The following AP2A1 variants were observed in gnomAD, a reference collection of about 807,000 sequenced individuals.
The protein encoded by AP2A1 is adaptor related protein complex 2 subunit alpha 1, also known as AP-2 complex subunit alpha-1.
AP2A1 carries 21 observed loss-of-function variants against 107.3 expected under a neutral mutation model. That is an observed-to-expected ratio of 0.20 (90% confidence interval 0.14 to 0.28). The LOEUF (loss-of-function observed/expected upper bound fraction) is 0.28, where lower values mean the gene tolerates loss of function less well. Ranked by LOEUF, AP2A1 falls within the 10% of genes least tolerant of loss-of-function variation. AP2A1 has a pLI of 1.00. For synonymous variants in AP2A1, 602 were observed against 564.8 expected, an observed-to-expected ratio of 1.07 and a Z score of -0.93; for missense variants, 873 against 1,307.7, an observed-to-expected ratio of 0.67 and a Z score of 5.13.
rs762341856 is a variant in AP2A1, at chr19:49,805,912, C to G, written c.2626C>G (p.Pro876Ala). The G allele has an allele frequency of 1.9e-6, 3 of 1,613,864 alleles. No homozygotes were observed. In the South Asian group the frequency reaches 3.3e-5, roughly 18 times the overall value. ...EAQKIFKANH[P>A]MDAEVTKAKL... is the part of the protein sequence containing the mutation. ...GCAGAAAATCTTCAAAGCCAACCACCCCATGGACGCAGAAGTTACTAAGGC... is the reference window on the plus strand; with the variant it reads ...GCAGAAAATCTTCAAAGCCAACCACGCCATGGACGCAGAAGTTACTAAGGC... Residue 876 changes from proline to alanine, a missense_variant, in exon 21 of 23, where the codon CCC becomes GCC. This residue lies in a region of AP2A1 where 416 missense variants were observed against 473.4 expected (regional missense o/e 0.88). Transcript: ENST00000354293.
In AP2A1 at chr19:49,769,797, G is replaced by A. The variant is rs2084538806; in HGVS notation, c.67+2597G>A. On this transcript the variant is annotated intron_variant, in intron 1 of 22. Transcript: ENST00000354293. ...GCCATGGAAGCAGGGAACCAAATTA[G>A]GAGGGTGTTGCAGGCCTCTGGGTGA... Among the ~76,000 whole-genome samples the A allele has an allele frequency of 2.0e-5, 3 of 152,314 alleles. No individual in the cohort carries two copies. The South Asian group carries it at 6.2e-4, about 32-fold the overall frequency.
At chr19:49,805,012 T>G (rs2073343594) in intron 18 of AP2A1, 1 of 158,484 alleles carries the variant, frequency 6.3e-6, no homozygotes. Flanking sequence ...GCTCAAGGCA[T>G]CCTCCTGCCT....
intron 4 of AP2A1, among the ~76,000 whole-genome samples, chr19:49,787,660 T>C (rs2073090741): frequency 2.0e-5 from 3 of 152,120 alleles, no homozygotes; most frequent in Admixed American, 6.5e-5. Flanking sequence ...TTTTAACCAT[T>C]TGAAGGTGTT....
intron 1 of AP2A1, among the ~76,000 whole-genome samples, chr19:49,776,452 C>T (rs1019876875): frequency 6.6e-6 from 1 of 152,194 alleles, no homozygotes; most frequent in Non-Finnish European, 1.5e-5. Context: ...GTGTATACCT[C>T]TTTCAGAATA....
chr19:49,803,198 C>CG lies in AP2A1; in HGVS notation c.2254+14dup. ...GTTCCGACAGAACCTGGGTGTGTCC[C>CG]GGGGGACTGTGGGAATGGGTCGGAG... On this transcript the variant is annotated intron_variant, in intron 17 of 22. Transcript: ENST00000354293. 1 of 1,613,858 alleles carries CG rather than the reference C, an allele frequency of 6.2e-7. No individual in the cohort carries two copies.
chr19:49,801,168 G>C, intron 12 of AP2A1, 110 bp downstream of exon 12: 2 of 1,145,172 alleles, frequency 1.7e-6, no homozygotes, highest in South Asian at 3.1e-5. Flanking sequence ...CCATCCTCTC[G>C]GCCTCCACCC....
intron 1 of AP2A1, among the ~76,000 whole-genome samples, chr19:49,781,363 G>T (rs1295809521): frequency 6.6e-6 from 1 of 152,108 alleles, no homozygotes; most frequent in Non-Finnish European, 1.5e-5. Flanking sequence ...TCAGTGGTAG[G>T]GGTGAGCACC....
chr19:49,800,624 A>G (rs763863229), intron 11 of AP2A1: 1 of 277,656 alleles, frequency 3.6e-6, no homozygotes, highest in South Asian at 4.3e-5. Flanking sequence ...ACGCGCCACC[A>G]CACCCAGCTA....
At chr19:49,798,241 G>A (rs919936993) in intron 7 of AP2A1, among the ~76,000 whole-genome samples, 1 of 152,222 alleles carries the variant, frequency 6.6e-6, no homozygotes, top group Non-Finnish European at 1.5e-5. Context: ...CAGTGGTGGA[G>A]AGCTCTGGGG....
intron 4 of AP2A1, among the ~76,000 whole-genome samples, chr19:49,783,433 A>G (rs2084701227): frequency 6.6e-6 from 1 of 152,148 alleles, no homozygotes; most frequent in African/African-American, 2.4e-5. Context: ...CTAGGCTGCA[A>G]TGAGTTGTGG....
chr19:49,775,211 C>T (rs1304177097), intron 1 of AP2A1, among the ~76,000 whole-genome samples: 1 of 152,164 alleles, frequency 6.6e-6, no homozygotes, highest in African/African-American at 2.4e-5. Flanking sequence ...CTGGACAATA[C>T]AGCAAGACCC....
chr19:49,779,336 CAAAA>C (rs34194805), intron 1 of AP2A1, among the ~76,000 whole-genome samples: 2 of 79,480 alleles, frequency 2.5e-5, no homozygotes, highest in Non-Finnish European at 2.5e-5. Context: ...GACTCCGTCT[CAAAA>C]AAAAAAAAAA....
intron 1 of AP2A1, among the ~76,000 whole-genome samples, chr19:49,777,158 C>G (rs575984068): frequency 5.3e-5 from 8 of 151,604 alleles, no homozygotes; most frequent in Admixed American, 2.0e-4. Flanking sequence ...TCGCTTGAAC[C>G]TGGGAGGTGG....
intron 4 of AP2A1, 27 bp downstream of exon 4, chr19:49,782,751 TGG>T (rs750868210): frequency 4.6e-6 from 7 of 1,515,388 alleles, no homozygotes; most frequent in Non-Finnish European, 5.3e-6. Flanking sequence ...CCGTTGGCAG[TGG>T]GGGGCCTGGG....
In AP2A1 at chr19:49,803,672, C is replaced by CCG. The variant is rs1454571569; in HGVS notation, c.2344+297_2344+298insGC. The CCG allele has an allele frequency of 6.8e-6, 3 of 443,416 alleles. No individual in the cohort carries two copies. In the East Asian group the frequency reaches 1.4e-4, roughly 21 times the overall value. The allele number at this position is 443,416 out of a possible 1,614,324, so 27.5% of individuals were successfully genotyped here. A position where few individuals can be genotyped will look rare whatever the true frequency, so the allele number is the denominator to read the frequency against. The stretch of plus-strand genomic sequence containing the variant: ...TCCTGCCATCGTCCTCCACTGGGCT[C>CCG]CATGTCATGATGCCAGCACCGCCTG... On this transcript the variant is annotated intron_variant, in intron 18 of 22. Transcript: ENST00000354293.
rs1366285318 is a variant in AP2A1, at chr19:49,788,135, C to T, written c.474-3800C>T. Among the ~76,000 whole-genome samples the T allele has an allele frequency of 6.6e-6, 1 of 152,124 alleles. No individual in the cohort carries two copies. The highest frequency in any genetic ancestry group is 1.5e-5 in the Non-Finnish European group (1 of 68,020). ...CTAATATTTGAATTTTTTATAGAGACAGGGTCTCACTATATTACCCAGGCT... is the reference window on the plus strand; with the variant it reads ...CTAATATTTGAATTTTTTATAGAGATAGGGTCTCACTATATTACCCAGGCT... On this transcript the variant is annotated intron_variant, in intron 4 of 22. Coordinates refer to ENST00000354293, the MANE Select transcript of AP2A1 (RefSeq NM_130787.3). The surrounding 1 kb of genome is among the most constrained non-coding windows in gnomAD (Gnocchi z 4.5).
At position 49,782,560 on chromosome 19, in the gene AP2A1, C is replaced by G; in HGVS notation, c.309C>G (p.Asn103Lys). ...ACCTGTTCATTTCTGTGCTGGTGAA[C>G]TCGAACTCGGAGCTGATCCGCCTCA... is the stretch of plus-strand genomic sequence containing the variant. ...IGYLFISVLV[N>K]SNSELIRLIN... Residue 103 changes from asparagine (N) to lysine (K), a missense_variant, in exon 4 of 23, where the codon AAC becomes AAG. By Grantham distance (94) the Asn-to-Lys change is moderately conservative. Coordinates refer to ENST00000354293, the MANE Select transcript of AP2A1 (RefSeq NM_130787.3). 2 of 1,613,860 alleles carry G rather than the reference C, an allele frequency of 1.2e-6. No individual in the cohort carries two copies. Among genetic ancestry groups the G allele is most frequent in the Non-Finnish European group, 1.7e-6 (2 of 1,179,800 alleles).
intron 15 of AP2A1, 188 bp from the exon 16 acceptor site, chr19:49,802,760 CG>C (rs1280362300): frequency 3.0e-6 from 3 of 1,005,518 alleles, no homozygotes; most frequent in Non-Finnish European, 4.3e-6. Context: ...TGCGGGGGCA[CG>C]GGCCAGGGTT....
At position 49,805,482 on chromosome 19, in the gene AP2A1, G is replaced by A; in HGVS notation, c.2374G>A (p.Ala792Thr). The change falls in exon 19 of 23, where the codon GCG becomes ACG. Residue 792 changes from alanine to threonine, a missense_variant. Ala to Thr is a moderately conservative substitution (Grantham distance 58, BLOSUM62 0). Transcript: ENST00000354293. The stretch of plus-strand genomic sequence containing the variant: ...GGCTGTGCAGACCAAGCGCGTGGCG[G>A]CGCAGGTGGACGGCGGCGCGCAGGT... ...QLAVQTKRVA[A>T]QVDGGAQVQQ... is the part of the protein sequence containing the mutation. 2 of 1,552,488 alleles carry A rather than the reference G, an allele frequency of 1.3e-6. No homozygotes were observed. The highest frequency in any genetic ancestry group is 1.7e-6 in the Non-Finnish European group (2 of 1,148,154).
Sources: allele counts gnomAD v4.1 joint callset (sites outside exome capture counted in the v4.1 genomes callset), GRCh38; gene constraint gnomAD v4.1.1; regional missense constraint gnomAD v4.1.1; non-coding constraint Gnocchi (gnomAD v3.1); transcripts MANE v1.5; gene names NCBI Gene and HGNC (gene_info 2026-07-23, HGNC 2026-07-21).